The following RBMS3 variants were observed in gnomAD, a reference collection of about 807,000 sequenced individuals.
The protein encoded by RBMS3 is RNA-binding motif, single-stranded-interacting protein 3.
Under a neutral mutation model 66.8 loss-of-function variants are expected in RBMS3, and 27 were observed. The observed-to-expected ratio is 0.40, with a 90% CI of 0.30 to 0.56. RBMS3 has a LOEUF of 0.56. Ranked by LOEUF, RBMS3 falls within the 20% of genes least tolerant of loss-of-function variation. The probability of loss-of-function intolerance (pLI) is 0.40; values close to 1 mark genes in which losing one functional copy is unlikely to be tolerated. For missense variants in RBMS3, 513 were observed against 549.5 expected, an observed-to-expected ratio of 0.93 and a Z score of 0.66; for synonymous variants, 188 against 183.0, an observed-to-expected ratio of 1.03 and a Z score of -0.22.
chr3:29,298,238 C>A (rs558286284), intron 1 of RBMS3, among the ~76,000 whole-genome samples: 1 of 151,994 alleles, frequency 6.6e-6, no homozygotes, highest in South Asian at 2.1e-4. Flanking sequence ...GAATAATACT[C>A]ACTGAGCAAT....
At chr3:29,659,721 C>T (rs2050460849) in intron 4 of RBMS3, among the ~76,000 whole-genome samples, 1 of 152,226 alleles carries the variant, frequency 6.6e-6, no homozygotes, top group East Asian at 1.9e-4. Context: ...GCCTTGCTTT[C>T]GATTTTGGTG....
intron 11 of RBMS3, among the ~76,000 whole-genome samples, chr3:29,939,921 C>G (rs1297005957): frequency 6.6e-6 from 1 of 151,822 alleles, no homozygotes; most frequent in Non-Finnish European, 1.5e-5. Context: ...CCAAACTAAT[C>G]TCATGAGCTT....
intron 10 of RBMS3, chr3:29,926,973 T>C (rs2060955553): frequency 1.3e-5 from 2 of 152,180 alleles, no homozygotes. Flanking sequence ...TAACCTACAT[T>C]TGTGGCAGTA....
intron 2 of RBMS3, among the ~76,000 whole-genome samples, chr3:29,454,843 A>G (rs2042127795): frequency 6.6e-6 from 1 of 152,226 alleles, no homozygotes; most frequent in Non-Finnish European, 1.5e-5. Flanking sequence ...GACAAAGCAG[A>G]GTCACATACA....
At chr3:29,560,777 G>T (rs926417772) in intron 3 of RBMS3, among the ~76,000 whole-genome samples, 3 of 152,152 alleles carry the variant, frequency 2.0e-5, no homozygotes, top group African/African-American at 4.8e-5. Flanking sequence ...ACAAGTGCAG[G>T]TTTGTTACAT....
intron 4 of RBMS3, among the ~76,000 whole-genome samples, chr3:29,633,135 C>T (rs2049346208): frequency 6.6e-6 from 1 of 151,698 alleles, no homozygotes; most frequent in Non-Finnish European, 1.5e-5. Flanking sequence ...GCCTTTATCT[C>T]CATATATCAA....
intron 6 of RBMS3, among the ~76,000 whole-genome samples, chr3:29,816,940 A>T (rs2057923504): frequency 6.6e-6 from 1 of 151,982 alleles, no homozygotes; most frequent in African/African-American, 2.4e-5. Context: ...AGATACAAAA[A>T]ATTAGCCGGG....
chr3:29,671,522 C>A (rs1272979836), intron 4 of RBMS3, among the ~76,000 whole-genome samples: 2 of 152,086 alleles, frequency 1.3e-5, no homozygotes, highest in Non-Finnish European at 2.9e-5. Flanking sequence ...CGCAAAGAAG[C>A]TAAAAACCTT....
chr3:29,800,371 C>T (rs1255826621), intron 6 of RBMS3, among the ~76,000 whole-genome samples: 1 of 151,902 alleles, frequency 6.6e-6, no homozygotes, highest in African/African-American at 2.4e-5. Context: ...TTAAGTATTC[C>T]CTTTAAATAA....
intron 6 of RBMS3, among the ~76,000 whole-genome samples, chr3:29,800,243 A>G (rs941619368): frequency 2.0e-5 from 3 of 151,790 alleles, no homozygotes; most frequent in African/African-American, 7.3e-5. Context: ...TTACCATTAT[A>G]GCATTTCCCC....
rs143324971 is a variant in RBMS3 at position 29,295,162 on chromosome 3, T to C, written c.75+13406T>C. On this transcript the variant is annotated intron_variant, in intron 1 of 14. Transcript: ENST00000383767. Reference sequence around the variant, plus strand: ...TACAAACTGTGATTTTGGTTTGGACTTCTCTTGGTTTTTCCAAGTTGTGCT... The same window carrying C: ...TACAAACTGTGATTTTGGTTTGGACCTCTCTTGGTTTTTCCAAGTTGTGCT... Among the ~76,000 whole-genome samples the C allele has an allele frequency of 3.7e-3, 566 of 151,170 alleles. 1 individual carries two copies. Among genetic ancestry groups the C allele is most frequent in the Middle Eastern group, 6.8e-3 (2 of 292 alleles).
At chr3:29,627,826 T>C (rs2049128027) in intron 4 of RBMS3, among the ~76,000 whole-genome samples, 2 of 151,970 alleles carry the variant, frequency 1.3e-5, no homozygotes, top group Admixed American at 1.3e-4. Context: ...GCAAGAAAGA[T>C]AAGTGGTTAA....
intron 4 of RBMS3, among the ~76,000 whole-genome samples, chr3:29,677,538 C>T (rs889954918): frequency 6.6e-6 from 1 of 151,812 alleles, no homozygotes; most frequent in Admixed American, 6.6e-5. Flanking sequence ...TTTTTGAAAG[C>T]CTGTGCACTT....
intron 12 of RBMS3, among the ~76,000 whole-genome samples, chr3:29,973,616 G>C (rs1697364065): frequency 6.6e-6 from 1 of 151,860 alleles, no homozygotes; most frequent in Admixed American, 6.6e-5. Flanking sequence ...AGTGAATTAG[G>C]TGTGTGTATC....
At chr3:29,813,231 G>C (rs1396248580) in intron 6 of RBMS3, among the ~76,000 whole-genome samples, 1 of 151,672 alleles carries the variant, frequency 6.6e-6, no homozygotes, top group Non-Finnish European at 1.5e-5. Flanking sequence ...ATATTTTATG[G>C]GTCATCATAC....
At chr3:29,940,039 TA>T (rs1369929076) in intron 11 of RBMS3, among the ~76,000 whole-genome samples, 2 of 151,770 alleles carry the variant, frequency 1.3e-5, no homozygotes, top group East Asian at 3.9e-4. Flanking sequence ...ACCATACATC[TA>T]AGACCCAATC....
At chr3:29,758,653 G>T (rs1205521356) in intron 5 of RBMS3, among the ~76,000 whole-genome samples, 1 of 152,118 alleles carries the variant, frequency 6.6e-6, no homozygotes, top group African/African-American at 2.4e-5. Flanking sequence ...AAAACAAATT[G>T]CAAAAACTGA....
intron 9 of RBMS3, among the ~76,000 whole-genome samples, chr3:29,898,572 G>A (rs946064761): frequency 2.4e-4 from 36 of 151,690 alleles, no homozygotes; most frequent in Middle Eastern, 6.8e-3. Flanking sequence ...TCTGCACTCA[G>A]ATTCTTGAAA....
At chr3:29,748,824 A>G (rs987203040) in intron 5 of RBMS3, among the ~76,000 whole-genome samples, 2 of 152,218 alleles carry the variant, frequency 1.3e-5, no homozygotes, top group Non-Finnish European at 2.9e-5. Context: ...TATCATAAGG[A>G]AGGTTCATTC....
Sources: allele counts gnomAD v4.1 joint callset (sites outside exome capture counted in the v4.1 genomes callset), GRCh38; gene constraint gnomAD v4.1.1; transcripts MANE v1.5; gene names NCBI Gene and HGNC (gene_info 2026-07-23, HGNC 2026-07-21).